The following GPR137 variants were observed in gnomAD, a reference collection of about 807,000 sequenced individuals.
GPR137 encodes integral membrane protein GPR137.
A neutral mutation model predicts 38.9 loss-of-function variants in GPR137; 20 were observed. The ratio of observed to expected loss-of-function variants is 0.51; its 90% CI spans 0.36 to 0.75. The LOEUF is 0.75. Among genes scored for constraint, GPR137 ranks in the 30% least tolerant of loss-of-function variants. The pLI is 0.00. For synonymous variants in GPR137, 226 were observed against 235.8 expected (o/e 0.96, Z 0.38); for missense variants, 456 against 526.4 (o/e 0.87, Z 1.31).
chr11:64,283,477 C>G (rs967466348), upstream of GPR137, among the ~76,000 whole-genome samples: 3 of 152,186 alleles, frequency 2.0e-5, no homozygotes, highest in Admixed American at 1.3e-4. Context: ...CATCTTGGAG[C>G]CTGTGCTTCT....
In GPR137 at chr11:64,286,762, TACTTCC is replaced by T; in HGVS notation, c.239_244del (p.Tyr80_Arg82delinsTer). The T allele has an allele frequency of 6.2e-7, 1 of 1,612,290 alleles. No individual in the cohort carries two copies. Among genetic ancestry groups the T allele is most frequent in the Non-Finnish European group, 8.5e-7 (1 of 1,178,844 alleles). ...CTTGCGTACCACCCTCTTCTCCTTC[TACTTCC>T]GAGATACTCCCCGCGCCAACCGCCT... On this transcript the variant is annotated stop_gained and inframe_deletion, in exon 1 of 7. Coordinates refer to ENST00000438980, the MANE Select transcript of GPR137 (RefSeq NM_001170880.2). LOFTEE classifies it high-confidence loss of function.
At chr11:64,281,823 C>T (rs1163648829), upstream of GPR137, among the ~76,000 whole-genome samples, 2 of 152,180 alleles carry the variant, frequency 1.3e-5, no homozygotes, top group Non-Finnish European at 2.9e-5. Context: ...CGGGTTCAAG[C>T]GATTCTCCTG....
At position 64,288,003 on chromosome 11, in the gene GPR137, A is replaced by C. The variant is rs775049968; in HGVS notation, c.633+57A>C. 6.2e-7 allele frequency: 1 copy of C among 1,602,956 alleles called. No homozygotes were observed. Among genetic ancestry groups the C allele is most frequent in the Non-Finnish European group, 8.5e-7 (1 of 1,179,898 alleles). On this transcript the variant is annotated intron_variant, in intron 3 of 6. Coordinates refer to ENST00000438980, the MANE Select transcript of GPR137 (RefSeq NM_001170880.2). This position sits in a 1 kb window ranked among gnomAD's most constrained non-coding sequence, Gnocchi z 5.5. ...TTTGGGTCTCTCGGCAGCGGTTCTC[A>C]GGGTGTAGAGGAAGCTGGGAGCCTT...
chr11:64,284,543 G>A, upstream of GPR137: 1 of 1,506,562 alleles, frequency 6.6e-7, no homozygotes, highest in Non-Finnish European at 8.8e-7. Context: ...AGGGAGCTGA[G>A]GCTGTCGGCT....
chr11:64,284,590 C>CA (rs2033728108), upstream of GPR137: 1 of 1,496,534 alleles, frequency 6.7e-7, no homozygotes, highest in Admixed American at 2.1e-5. Flanking sequence ...CCGGTGGACC[C>CA]AGGCCCCGCC....
At chr11:64,287,974 G>A (rs374860855) in intron 3 of GPR137, 28 bp downstream of exon 3, 32 of 1,601,226 alleles carry the variant, frequency 2.0e-5, no homozygotes, top group African/African-American at 8.0e-5. Context: ...ATGCCCAGGT[G>A]TCTTTTGGGT....
rs2034367353 is a variant in GPR137, at chr11:64,288,292, C to G, written c.784-48C>G. The G allele has an allele frequency of 6.2e-7, 1 of 1,612,322 alleles. No homozygotes were observed. The highest frequency in any genetic ancestry group is 1.1e-5 in the South Asian group (1 of 91,026). On this transcript the variant is annotated intron_variant, in intron 4 of 6. Coordinates refer to ENST00000438980, the MANE Select transcript of GPR137 (RefSeq NM_001170880.2). The surrounding 1 kb of genome is among the most constrained non-coding windows in gnomAD (Gnocchi z 5.5). Reference sequence around the variant, plus strand: ...AGCTGGCCTGGGCCCTGTCCCACTACCCCTTTGGCGTGACTGCAGACTGGC... The same window carrying G: ...AGCTGGCCTGGGCCCTGTCCCACTAGCCCTTTGGCGTGACTGCAGACTGGC...
chr11:64,286,668 GCTT>G lies in GPR137; in HGVS notation c.147_149del (p.Leu50del). ...CCGTCTATGCCCAGCTCTGGCTGGT[GCTT>G]CTGTATGGGCACAAGCGTCTCAGCT... On this transcript the variant is annotated inframe_deletion, in exon 1 of 7. Coordinates refer to ENST00000438980, the MANE Select transcript of GPR137 (RefSeq NM_001170880.2). 6.2e-7 allele frequency: 1 copy of G among 1,613,974 alleles called. No homozygotes were observed. The highest frequency in any genetic ancestry group is 8.5e-7 in the Non-Finnish European group (1 of 1,179,880).
chr11:64,282,765 G>GCTACT (rs1236024266), upstream of GPR137, among the ~76,000 whole-genome samples: 3 of 151,872 alleles, frequency 2.0e-5, no homozygotes, highest in Non-Finnish European at 4.4e-5. Flanking sequence ...TGTAGTCCCA[G>GCTACT]CTACTCTGGA....
At chr11:64,282,626 C>T (rs567909911), upstream of GPR137, among the ~76,000 whole-genome samples, 3 of 152,218 alleles carry the variant, frequency 2.0e-5, no homozygotes, top group African/African-American at 7.2e-5. Context: ...CGCCTGTAAT[C>T]CCAACACTGT....
chr11:64,278,374 TTA>T (rs1386255346), intron 2 of GPR137, among the ~76,000 whole-genome samples: 1 of 147,624 alleles, frequency 6.8e-6, no homozygotes, highest in Non-Finnish European at 1.5e-5. Flanking sequence ...GAAAAAAAAA[TTA>T]TATATATATA....
chr11:64,276,854 G>A (rs986971929), intron 2 of GPR137: 3 of 737,346 alleles, frequency 4.1e-6, no homozygotes, highest in East Asian at 5.1e-5. Flanking sequence ...GGGTGTGGAA[G>A]TGGAGGGTAG....
chr11:64,285,768 C>G (rs1337091102), upstream of GPR137: 6 of 985,208 alleles, frequency 6.1e-6, no homozygotes, highest in Non-Finnish European at 6.0e-6. Flanking sequence ...GGGTGCGGCG[C>G]TGGACTGCGG....
chr11:64,275,273 T>C (rs1330316670), upstream of GPR137, among the ~76,000 whole-genome samples: 2 of 151,792 alleles, frequency 1.3e-5, no homozygotes, highest in African/African-American at 2.4e-5. Context: ...GGATTTCGGA[T>C]AGGGGCAGGA....
intron 2 of GPR137, chr11:64,276,645 AAGTGTTCT>A: frequency 2.4e-6 from 1 of 424,314 alleles, no homozygotes; most frequent in Non-Finnish European, 4.2e-6. Flanking sequence ...AATTTTTAAA[AAGTGTTCT>A]ATTTACAGGG....
Position 64,286,845 on chromosome 11 carries a change from C to T in GPR137, c.321C>T (p.Phe107=), listed in dbSNP as rs780432168. 1.2e-5 allele frequency: 19 copies of T among 1,596,690 alleles called. No individual in the cohort carries two copies. Among genetic ancestry groups the T allele is most frequent in the Non-Finnish European group, 1.6e-5 (19 of 1,168,668 alleles). Residue 107 remains phenylalanine, a synonymous_variant, in exon 1 of 7, where the codon TTC becomes TTT. Transcript: ENST00000438980. ...LLYCCPVCLQ[F]FTLTLMNLYF... Reference sequence around the variant, plus strand: ...ACTGCTGCCCCGTCTGCCTGCAGTTCTTCACCTTGACGCTTATGAACCTCT... The same window carrying T: ...ACTGCTGCCCCGTCTGCCTGCAGTTTTTCACCTTGACGCTTATGAACCTCT...
Position 64,286,447 on chromosome 11 carries a change from C to A in GPR137, c.-78C>A. ...CCCTCTCTGCACCCTGCAATTCCCA[C>A]CCCTCCGTATTTATTTCCCTGGTCC... On this transcript the variant is annotated 5_prime_UTR_variant, in exon 1 of 7. Coordinates refer to ENST00000438980, the MANE Select transcript of GPR137 (RefSeq NM_001170880.2). 1 of 1,538,466 alleles carries A rather than the reference C, an allele frequency of 6.5e-7. No homozygotes were observed.
At chr11:64,280,575 T>C (rs1341721341), upstream of GPR137, among the ~76,000 whole-genome samples, 1 of 150,570 alleles carries the variant, frequency 6.6e-6, no homozygotes, top group East Asian at 2.0e-4. Flanking sequence ...ATGGTCTTGA[T>C]CTCCTGACCT....
chr11:64,284,826 C>G, upstream of GPR137: 16 of 1,522,008 alleles, frequency 1.1e-5, no homozygotes, highest in Non-Finnish European at 1.1e-5. Context: ...CAAGGCTCCT[C>G]GTCCGCATCC....
Sources: gnomAD v4.1 joint callset for allele counts (sites outside exome capture counted in the v4.1 genomes callset) on GRCh38, gnomAD v4.1.1 for gene constraint, Gnocchi (gnomAD v3.1) non-coding constraint, MANE v1.5 for transcripts, NCBI Gene and HGNC (gene_info 2026-07-23, HGNC 2026-07-21) for gene names.